CHST11: variants seen among roughly 807,000 people sequenced by gnomAD.
CHST11 encodes the protein C4S-1.
In CHST11, 9 loss-of-function variants were observed where a neutral mutation model predicts 30.4. The ratio of observed to expected loss-of-function variants is 0.30; its 90% CI spans 0.18 to 0.52. CHST11 has a LOEUF of 0.52. CHST11 is among the 20% of genes least tolerant of loss of function. The pLI is 0.97. For missense variants in CHST11, 348 were observed against 460.6 expected, an observed-to-expected ratio of 0.76 and a Z score of 2.24; for synonymous variants, 152 against 187.8, an observed-to-expected ratio of 0.81 and a Z score of 1.56.
chr12:104,729,712 C>T lies in CHST11; in HGVS notation c.205-27237C>T, dbSNP rs761423697. Among the ~76,000 whole-genome samples the T allele has an allele frequency of 1.3e-5, 2 of 152,232 alleles. No homozygotes were observed. Among genetic ancestry groups the T allele is most frequent in the Non-Finnish European group, 2.9e-5 (2 of 68,006 alleles). ...TGTGCAGAATCGTACGGTGTGCAGA[C>T]GGTGGCCTGGTGAAGTGCCGTGTAC... On this transcript the variant is annotated intron_variant, in intron 2 of 2. Transcript: ENST00000303694. The surrounding 1 kb of genome is among the most constrained non-coding windows in gnomAD (Gnocchi z 4.0).
chr12:104,725,551 CCT>C (rs1445743610), intron 2 of CHST11, among the ~76,000 whole-genome samples: 1 of 151,546 alleles, frequency 6.6e-6, no homozygotes, highest in Non-Finnish European at 1.5e-5. Flanking sequence ...GCCTGCCTCC[CCT>C]GTGTCTCCTC....
chr12:104,622,980 C>T (rs906282708), intron 2 of CHST11, among the ~76,000 whole-genome samples: 2 of 152,202 alleles, frequency 1.3e-5, no homozygotes, highest in African/African-American at 4.8e-5. Context: ...CTAAAGTGCT[C>T]AACTAAGTTG....
intron 2 of CHST11, among the ~76,000 whole-genome samples, chr12:104,726,153 G>A (rs752246245): frequency 3.3e-5 from 5 of 152,206 alleles, no homozygotes; most frequent in Non-Finnish European, 7.3e-5. Context: ...TTCATAAGGA[G>A]TTCTAAGTGT....
intron 2 of CHST11, among the ~76,000 whole-genome samples, chr12:104,635,069 G>T (rs938975352): frequency 9.0e-5 from 13 of 144,492 alleles, no homozygotes; most frequent in Non-Finnish European, 1.9e-4. Context: ...TCCTGTTCCT[G>T]GGTATGGAGT....
At chr12:104,679,733 T>C (rs1265487397) in intron 2 of CHST11, among the ~76,000 whole-genome samples, 1 of 152,080 alleles carries the variant, frequency 6.6e-6, no homozygotes, top group African/African-American at 2.4e-5. Flanking sequence ...GAAACTGCCA[T>C]GTGTAATTCA....
chr12:104,605,440 G>A (rs571456785), intron 2 of CHST11, among the ~76,000 whole-genome samples: 1 of 152,146 alleles, frequency 6.6e-6, no homozygotes, highest in Non-Finnish European at 1.5e-5. Flanking sequence ...TTCTATGGGC[G>A]TGGTGGCGGG....
chr12:104,655,933 G>A (rs1486311615), intron 2 of CHST11, among the ~76,000 whole-genome samples: 1 of 152,210 alleles, frequency 6.6e-6, no homozygotes, highest in Non-Finnish European at 1.5e-5. Context: ...TGGCAGAGCT[G>A]AAGTCTCTAT....
intron 2 of CHST11, among the ~76,000 whole-genome samples, chr12:104,742,009 G>A (rs766697410): frequency 2.0e-5 from 3 of 152,046 alleles, no homozygotes; most frequent in Non-Finnish European, 2.9e-5. Flanking sequence ...CCTGCCCCCG[G>A]CACTTGGGAA....
At chr12:104,671,936 G>T (rs2039701627) in intron 2 of CHST11, among the ~76,000 whole-genome samples, 1 of 152,174 alleles carries the variant, frequency 6.6e-6, no homozygotes, top group African/African-American at 2.4e-5. Context: ...GGGTGTGGTT[G>T]GGGGATGGGG....
chr12:104,529,606 C>T (rs1450248254), intron 1 of CHST11, among the ~76,000 whole-genome samples: 1 of 152,194 alleles, frequency 6.6e-6, no homozygotes, highest in East Asian at 1.9e-4. Flanking sequence ...CCTTCTATAG[C>T]TTGTTGTTTT....
At chr12:104,487,887 C>T (rs1440915827) in intron 1 of CHST11, among the ~76,000 whole-genome samples, 3 of 151,218 alleles carry the variant, frequency 2.0e-5, no homozygotes, top group South Asian at 2.1e-4. Context: ...GATACCACTT[C>T]GTACATCTAT....
intron 2 of CHST11, among the ~76,000 whole-genome samples, chr12:104,713,496 G>A (rs1466268417): frequency 3.3e-5 from 5 of 152,026 alleles, no homozygotes; most frequent in Admixed American, 6.5e-5. Context: ...CAAATGTAAA[G>A]AAATTTTTCA....
Position 104,757,278 on chromosome 12 carries a change from C to T in CHST11, c.534C>T (p.Ser178=). The change falls in exon 3 of 3, where the codon AGC becomes AGT. Residue 178 remains serine (S), a synonymous_variant. Transcript: ENST00000303694. The surrounding 1 kb of genome is among the most constrained non-coding windows in gnomAD (Gnocchi z 6.5). ...CAGAAATCAACCACCGCTTGAAAAG[C>T]TACATGAAGTTCCTGTTTGTCCGGG... ...SIPEINHRLK[S]YMKFLFVREP... is the part of the protein sequence containing the mutation. The T allele has an allele frequency of 6.2e-7, 1 of 1,614,128 alleles. No individual in the cohort carries two copies. The highest frequency in any genetic ancestry group is 8.5e-7 in the Non-Finnish European group (1 of 1,180,028).
At chr12:104,509,171 G>A (rs1235187139) in intron 1 of CHST11, among the ~76,000 whole-genome samples, 2 of 152,186 alleles carry the variant, frequency 1.3e-5, no homozygotes, top group Non-Finnish European at 2.9e-5. Flanking sequence ...TTGTGATAGT[G>A]AGTAAGTCTT....
chr12:104,748,082 G>C (rs2040402511), intron 2 of CHST11, among the ~76,000 whole-genome samples: 1 of 152,182 alleles, frequency 6.6e-6, no homozygotes, highest in South Asian at 2.1e-4. Context: ...CATGTTCACG[G>C]TTTCCTAGAA....
At chr12:104,611,680 G>A (rs969040095) in intron 2 of CHST11, among the ~76,000 whole-genome samples, 3 of 152,134 alleles carry the variant, frequency 2.0e-5, no homozygotes, top group African/African-American at 7.2e-5. Flanking sequence ...CAGGGTGGAC[G>A]GTTTCCTGGG....
At chr12:104,717,414 A>G (rs2040139466) in intron 2 of CHST11, among the ~76,000 whole-genome samples, 1 of 152,162 alleles carries the variant, frequency 6.6e-6, no homozygotes, top group African/African-American at 2.4e-5. Flanking sequence ...GCATGGCTCC[A>G]GGCTTCAGGG....
intron 2 of CHST11, among the ~76,000 whole-genome samples, chr12:104,718,074 C>T (rs896339949): frequency 6.6e-6 from 1 of 152,228 alleles, no homozygotes; most frequent in African/African-American, 2.4e-5. Context: ...CATTCAGCAG[C>T]GGCCCCACTC....
At chr12:104,614,106 G>C (rs2136055340) in intron 2 of CHST11, among the ~76,000 whole-genome samples, 1 of 152,274 alleles carries the variant, frequency 6.6e-6, no homozygotes, top group East Asian at 1.9e-4. Context: ...CTTGATTGTG[G>C]TCATCACTTT....
Sources: gnomAD v4.1 joint callset for allele counts (sites outside exome capture counted in the v4.1 genomes callset) on GRCh38, gnomAD v4.1.1 for gene constraint, Gnocchi (gnomAD v3.1) non-coding constraint, MANE v1.5 for transcripts, NCBI Gene and HGNC (gene_info 2026-07-23, HGNC 2026-07-21) for gene names.